MXRA5: variants seen among roughly 807,000 people sequenced by gnomAD.
The protein encoded by MXRA5 is matrix-remodeling-associated protein 5.
MXRA5 carries 41 observed loss-of-function variants against 112.5 expected under a neutral mutation model. The ratio of observed to expected loss-of-function variants is 0.36; its 90% CI spans 0.28 to 0.47. MXRA5 has a LOEUF of 0.47. Ranked by LOEUF, MXRA5 falls within the 20% of genes least tolerant of loss-of-function variation. The pLI is 0.99. For synonymous variants in MXRA5, 862 were observed against 900.8 expected (o/e 0.96, Z 0.77); for missense variants, 2,150 against 2,251.0 (o/e 0.96, Z 0.91).
In MXRA5 at chrX:3,330,401, T is replaced by C; in HGVS notation, c.326A>G (p.Lys109Arg). 8.4e-7 allele frequency: 1 copy of C among 1,193,711 alleles called. No individual in the cohort carries two copies. Among genetic ancestry groups the C allele is most frequent in the Non-Finnish European group, 1.1e-6 (1 of 887,575 alleles). ...CACTCTCAGCTTGTTGTAGCTGAAC[T>C]TGAAAACCTGCAAGGACAGGGGAAA... The part of the protein sequence containing the change: ...LRDLSSLQVF[K>R]FSYNKLRVIT... The change falls in exon 4 of 7, where the codon AAG becomes AGG. Residue 109 changes from lysine to arginine, a missense_variant. Physicochemically the swap from Lys to Arg is conservative, Grantham distance 26. Transcript: ENST00000217939.
In MXRA5 at chrX:3,321,189, A is replaced by C; in HGVS notation, c.4496T>G (p.Ile1499Ser). The C allele has an allele frequency of 8.3e-7, 1 of 1,211,476 alleles. No homozygotes were observed. The highest frequency in any genetic ancestry group is 1.1e-6 in the Non-Finnish European group (1 of 895,276). The change falls in exon 5 of 7, where the codon ATT becomes AGT. Residue 1499 changes from isoleucine to serine, a missense_variant. Physicochemically the swap from Ile to Ser is moderately radical, Grantham distance 142 (BLOSUM62 -2). Coordinates refer to ENST00000217939, the MANE Select transcript of MXRA5 (RefSeq NM_015419.4). ...GGTGGTTTGTCCCAAAGACATGAGA[A>C]TTGTGGATGGGGACGAGGATGCTGG... ...KEPASSSPST[I>S]LMSLGQTTTT...
rs1387842390 is a variant in MXRA5 at position 3,323,794 on chromosome X, A to G, written c.1891T>C (p.Leu631=). 1 of 1,211,606 alleles carries G rather than the reference A, an allele frequency of 8.3e-7. No homozygotes were observed. Among genetic ancestry groups the G allele is most frequent in the South Asian group, 1.8e-5 (1 of 56,967 alleles). Reference sequence around the variant, plus strand: ...GGGATGGAAAGAGTTCCATTTGGCAACATGTATACATGTGATGTGTTAGCC... The same window carrying G: ...GGGATGGAAAGAGTTCCATTTGGCAGCATGTATACATGTGATGTGTTAGCC... The part of the protein sequence containing the change: ...DLANTSHVYM[L]PNGTLSIPKV... The change falls in exon 5 of 7, where the codon TTG becomes CTG. Residue 631 remains leucine, a synonymous_variant. Transcript: ENST00000217939.
At chrX:3,313,417 G>A (rs1484538476) in intron 6 of MXRA5, among the ~76,000 whole-genome samples, 1 of 111,759 alleles carries the variant, frequency 8.9e-6, no homozygotes, top group Non-Finnish European at 1.9e-5. Context: ...AGGCCACCAC[G>A]CCCTGCTAAT....
At chrX:3,316,230 C>A (rs1455090924) in intron 6 of MXRA5, among the ~76,000 whole-genome samples, 3 of 43,031 alleles carry the variant, frequency 7.0e-5, no homozygotes, top group Non-Finnish European at 1.1e-4. Flanking sequence ...AGGAGAATGG[C>A]GTGAACCCGG....
intron 2 of MXRA5, among the ~76,000 whole-genome samples, chrX:3,342,822 T>C (rs1277087530): frequency 8.9e-6 from 1 of 112,497 alleles, no homozygotes. Context: ...GTTTTTTCTT[T>C]TAACTTTGTT....
At chrX:3,341,098 TAC>T (rs369165601) in intron 2 of MXRA5, among the ~76,000 whole-genome samples, 1 of 47,777 alleles carries the variant, frequency 2.1e-5, no homozygotes, top group Non-Finnish European at 3.9e-5. Flanking sequence ...TAATATGTTA[TAC>T]ATAATATAAT....
At chrX:3,325,277 T>C (rs968900756) in intron 4 of MXRA5, among the ~76,000 whole-genome samples, 3 of 110,988 alleles carry the variant, frequency 2.7e-5, no homozygotes, top group African/African-American at 9.8e-5. Context: ...AGAAAACAAC[T>C]TCATTCACAT....
At chrX:3,328,321 G>T (rs1921559910) in intron 4 of MXRA5, among the ~76,000 whole-genome samples, 1 of 112,314 alleles carries the variant, frequency 8.9e-6, no homozygotes, top group Admixed American at 9.5e-5. Context: ...AAGTTTAGAA[G>T]CTGCAAGGAA....
At chrX:3,312,436 T>G (rs1438116090) in intron 6 of MXRA5, among the ~76,000 whole-genome samples, 1 of 112,328 alleles carries the variant, frequency 8.9e-6, no homozygotes, top group African/African-American at 3.2e-5. Context: ...TATTCGGAAC[T>G]AATATGTTGA....
At chrX:3,338,322 A>C in intron 2 of MXRA5, among the ~76,000 whole-genome samples, 1 of 111,816 alleles carries the variant, frequency 8.9e-6, no homozygotes, top group East Asian at 2.8e-4. Context: ...ATTGTTGATA[A>C]CTATTGTCAT....
rs757633344 is a variant in MXRA5, at chrX:3,329,935, T to C, written c.709+83A>G. 4 of 1,053,254 alleles carry C rather than the reference T, an allele frequency of 3.8e-6. No individual in the cohort carries two copies. The African/African-American group carries it at 7.6e-5, about 20-fold the overall frequency. The allele number at this position is 1,053,254 out of a possible 1,213,427, so 86.8% of individuals were successfully genotyped here. A position where few individuals can be genotyped will look rare whatever the true frequency, so the allele number is the denominator to read the frequency against. On this transcript the variant is annotated intron_variant, in intron 4 of 6. Coordinates refer to ENST00000217939, the MANE Select transcript of MXRA5 (RefSeq NM_015419.4). The stretch of plus-strand genomic sequence containing the variant: ...GCTCAGATTTCATTGAATAAGTCAA[T>C]ATAAGAACCTTGGAGAATGGAACGT...
At chrX:3,327,610 A>G (rs1391458087) in intron 4 of MXRA5, among the ~76,000 whole-genome samples, 1 of 112,533 alleles carries the variant, frequency 8.9e-6, no homozygotes, top group Non-Finnish European at 1.9e-5. Context: ...ATCTATAACC[A>G]GATGTCCCCT....
At position 3,322,483 on chromosome X, in the gene MXRA5, G is replaced by A; in HGVS notation, c.3202C>T (p.Gln1068Ter). The A allele has an allele frequency of 8.3e-7, 1 of 1,211,547 alleles. No individual in the cohort carries two copies. The highest frequency in any genetic ancestry group is 1.1e-6 in the Non-Finnish European group (1 of 895,422). The stretch of plus-strand genomic sequence containing the variant: ...TCTCCCTCTAGCATATTTCCTCCCT[G>A]TAGTGTCTGAGACATCTCTTTCATA... ...KGMKEMSQTLQGGNMLEGDPT... is the reference protein window; with the variant it reads ...KGMKEMSQTL Residue 1068 changes from glutamine to a stop codon, truncating the protein, a stop_gained, in exon 5 of 7, where the codon CAG becomes TAG. Coordinates refer to ENST00000217939, the MANE Select transcript of MXRA5 (RefSeq NM_015419.4). LOFTEE classifies it high-confidence loss of function.
chrX:3,335,460 G>A (rs1344070918), intron 2 of MXRA5, among the ~76,000 whole-genome samples: 2 of 112,654 alleles, frequency 1.8e-5, no homozygotes, highest in Admixed American at 1.9e-4. Flanking sequence ...GCCTCCCAAA[G>A]TGCTGGGATT....
At position 3,310,955 on chromosome X, in the gene MXRA5, G is replaced by A. The variant is rs565330564; in HGVS notation, c.7248C>T (p.Tyr2416=). 6.0e-4 allele frequency: 720 copies of A among 1,209,955 alleles called. 8 individuals carry two copies. The South Asian group carries it at 0.012, about 20-fold the overall frequency. Residue 2416 remains tyrosine, a synonymous_variant, in exon 7 of 7, where the codon TAC becomes TAT. Coordinates refer to ENST00000217939, the MANE Select transcript of MXRA5 (RefSeq NM_015419.4). ...QKAQRSDSGN[Y]TCLVRNSAGE... ...CCGCGCTGTTCCTGACCAAGCAGGT[G>A]TAGTTGCCGCTGTCAGAACGCTGGG...
chrX:3,310,567 C>A lies in MXRA5; in HGVS notation c.7636G>T (p.Asp2546Tyr), dbSNP rs778756027. The change falls in exon 7 of 7, where the codon GAC becomes TAC. Residue 2546 changes from aspartate (D) to tyrosine (Y), a missense_variant. Physicochemically the swap from Asp to Tyr is radical, Grantham distance 160 (BLOSUM62 -3). This residue lies in a region of MXRA5 where 93 missense variants were observed against 135.5 expected (regional missense o/e 0.69). Coordinates refer to ENST00000217939, the MANE Select transcript of MXRA5 (RefSeq NM_015419.4). The stretch of plus-strand genomic sequence containing the variant: ...GCCGTGATCTTCTCGCTGATCGGGT[C>A]GTGGAAGATGGGTTTCTCCATGGGC... The part of the protein sequence containing the change: ...LEPMEKPIFH[D>Y]PISEKITAMA... 3.5e-6 allele frequency: 4 copies of A among 1,133,381 alleles called. No homozygotes were observed. The highest frequency in any genetic ancestry group is 1.9e-5 in the African/African-American group (1 of 52,617). The allele number at this position is 1,133,381 out of a possible 1,213,427, so 93.4% of individuals were successfully genotyped here.
In MXRA5 at chrX:3,321,814, C is replaced by T; in HGVS notation, c.3871G>A (p.Asp1291Asn). ...GTGGTTGTCATGTAATCTAAGGAAT[C>T]ATAAGGGCCCTCAGTTTTCAGAGAA... The part of the protein sequence containing the change: ...TVSLKTEGPY[D>N]SLDYMTTTRK... The change falls in exon 5 of 7, where the codon GAT becomes AAT. Residue 1291 changes from aspartate to asparagine, a missense_variant. Physicochemically the swap from Asp to Asn is conservative, Grantham distance 23 (BLOSUM62 1). Transcript: ENST00000217939. The T allele has an allele frequency of 8.3e-7, 1 of 1,210,392 alleles. No homozygotes were observed. The highest frequency in any genetic ancestry group is 1.1e-6 in the Non-Finnish European group (1 of 894,467).
Position 3,317,946 on chromosome X carries a change from G to C in MXRA5, c.5735C>G (p.Thr1912Ser), listed in dbSNP as rs1275491523. 51 of 1,210,187 alleles carry C rather than the reference G, an allele frequency of 4.2e-5. No individual in the cohort carries two copies. The highest frequency in any genetic ancestry group is 5.6e-5 in the Non-Finnish European group (50 of 894,834). The change falls in exon 6 of 7, where the codon ACC becomes AGC. Residue 1912 changes from threonine to serine, a missense_variant. Around this residue, in one of 6 missense-constraint regions of MXRA5, gnomAD observed 1,485 missense variants for 1,471.6 expected, o/e 1.01. Transcript: ENST00000217939. Reference sequence around the variant, plus strand: ...TACTTGAACCTTCCGTATCACTAAGGTACCGTTCTTGAGAACCTCAAACCG... The same window carrying C: ...TACTTGAACCTTCCGTATCACTAAGCTACCGTTCTTGAGAACCTCAAACCG... ...IQRFEVLKNGTLVIRKVQVQD... is the reference protein window; with the variant it reads ...IQRFEVLKNGSLVIRKVQVQD...
chrX:3,343,412 C>A (rs1328465524), intron 2 of MXRA5, among the ~76,000 whole-genome samples: 3 of 112,230 alleles, frequency 2.7e-5, no homozygotes, highest in African/African-American at 9.7e-5. Context: ...CGTTAATAGA[C>A]CTTACAGCAG....
Sources: gnomAD v4.1 joint callset for allele counts (sites outside exome capture counted in the v4.1 genomes callset) on GRCh38, gnomAD v4.1.1 for gene constraint, gnomAD v4.1.1 regional missense constraint, MANE v1.5 for transcripts, NCBI Gene and HGNC (gene_info 2026-07-23, HGNC 2026-07-21) for gene names.